RFX6: variants seen among roughly 807,000 people sequenced by gnomAD.
RFX6 encodes the protein DNA-binding protein RFX6.
RFX6 carries 50 observed loss-of-function variants against 110.8 expected under a neutral mutation model. The observed-to-expected ratio is 0.45, with a 90% CI of 0.36 to 0.57. RFX6 has a LOEUF of 0.57. Among genes scored for constraint, RFX6 ranks in the 20% least tolerant of loss-of-function variants. The pLI, the probability that RFX6 is intolerant of heterozygous loss-of-function variation, is 0.00. For synonymous variants in RFX6, 383 were observed against 411.2 expected (o/e 0.93, Z 0.83); for missense variants, 990 against 1,127.0 (o/e 0.88, Z 1.74).
intron 6 of RFX6, among the ~76,000 whole-genome samples, chr6:116,909,838 C>CA (rs1427668894): frequency 6.8e-6 from 1 of 147,120 alleles, no homozygotes; most frequent in Non-Finnish European, 1.5e-5. Context: ...GCTCTGCCTC[C>CA]AGCTTATTTA....
intron 4 of RFX6, among the ~76,000 whole-genome samples, chr6:116,893,031 T>C (rs1198533502): frequency 6.6e-6 from 1 of 152,048 alleles, no homozygotes; most frequent in Non-Finnish European, 1.5e-5. Flanking sequence ...GGAAACAACG[T>C]TTTAAAATAT....
At chr6:116,900,739 T>C (rs1454882315) in intron 6 of RFX6, among the ~76,000 whole-genome samples, 2 of 152,114 alleles carry the variant, frequency 1.3e-5, no homozygotes, top group Non-Finnish European at 2.9e-5. Context: ...ATATGTAACC[T>C]AAATGACTAA....
intron 10 of RFX6, among the ~76,000 whole-genome samples, chr6:116,918,540 C>T (rs1366200342): frequency 7.6e-6 from 1 of 132,064 alleles, no homozygotes; most frequent in African/African-American, 2.8e-5. Context: ...TTTATTGAAA[C>T]AATACCAGAA....
At position 116,924,712 on chromosome 6, in the gene RFX6, C is replaced by A; in HGVS notation, c.1599C>A (p.Leu533=). The A allele has an allele frequency of 6.2e-7, 1 of 1,606,498 alleles. No homozygotes were observed. The highest frequency in any genetic ancestry group is 1.1e-5 in the South Asian group (1 of 90,922). The change falls in exon 15 of 19, where the codon CTC becomes CTA. Residue 533 remains leucine (L), a synonymous_variant. Coordinates refer to ENST00000332958, the MANE Select transcript of RFX6 (RefSeq NM_173560.4). The part of the protein sequence containing the change: ...LIRMLLDEYI[L]LAMETQFNND... ...GAATGCTTCTCGATGAATACATTCT[C>A]CTGGCCATGGAGACCCAGTTTAATA...
At chr6:116,892,194 C>T (rs907189931) in intron 4 of RFX6, among the ~76,000 whole-genome samples, 10 of 152,300 alleles carry the variant, frequency 6.6e-5, no homozygotes, top group African/African-American at 2.2e-4. Flanking sequence ...TTTCCTTCAT[C>T]TCAAATGACC....
At chr6:116,925,854 C>A (rs1231986526) in intron 16 of RFX6, among the ~76,000 whole-genome samples, 195 bp downstream of exon 16, 1 of 152,038 alleles carries the variant, frequency 6.6e-6, no homozygotes, top group Non-Finnish European at 1.5e-5. Flanking sequence ...ACACAGGTAT[C>A]ATGTCTTGAC....
intron 10 of RFX6, 135 bp downstream of exon 10, chr6:116,918,221 G>A: frequency 1.4e-6 from 1 of 711,190 alleles, no homozygotes; most frequent in South Asian, 1.6e-5. Flanking sequence ...CTTTGTATTT[G>A]CTGGAAGAGA....
At position 116,931,563 on chromosome 6, in the gene RFX6, A is replaced by G. The variant is rs1259207055; in HGVS notation, c.*57A>G. ...TAAAAAAAATCTCTACTGTGCAAATATCATTATTCACTCAGACTTCCATAA... is the reference window on the plus strand; with the variant it reads ...TAAAAAAAATCTCTACTGTGCAAATGTCATTATTCACTCAGACTTCCATAA... On this transcript the variant is annotated 3_prime_UTR_variant, in exon 19 of 19. Transcript: ENST00000332958. 8.2e-7 allele frequency: 1 copy of G among 1,223,376 alleles called. No individual in the cohort carries two copies. The highest frequency in any genetic ancestry group is 1.2e-6 in the Non-Finnish European group (1 of 845,464). 75.8% of individuals were successfully genotyped at this position (1,223,376 alleles called of 1,614,324 possible).
At chr6:116,915,687 A>C (rs547315827) in intron 7 of RFX6, among the ~76,000 whole-genome samples, 2 of 152,018 alleles carry the variant, frequency 1.3e-5, no homozygotes, top group African/African-American at 4.8e-5. Context: ...AATTTTAAAA[A>C]ATTTAAATTT....
intron 7 of RFX6, among the ~76,000 whole-genome samples, 156 bp downstream of exon 7, chr6:116,911,198 T>A (rs1377928459): frequency 6.6e-6 from 1 of 152,170 alleles, no homozygotes; most frequent in Non-Finnish European, 1.5e-5. Context: ...TTGTTAACAT[T>A]GATTAACACT....
At chr6:116,927,691 C>A in intron 17 of RFX6, 152 bp downstream of exon 17, 6 of 636,006 alleles carry the variant, frequency 9.4e-6, no homozygotes, top group East Asian at 6.3e-5. Flanking sequence ...ATTTCTGTCA[C>A]ATACATATAT....
rs1775540989 is a variant in RFX6, at chr6:116,919,286, A to G, written c.1172A>G (p.His391Arg). The G allele has an allele frequency of 6.2e-7, 1 of 1,613,284 alleles. No homozygotes were observed. Among genetic ancestry groups the G allele is most frequent in the Admixed American group, 1.7e-5 (1 of 59,956 alleles). The stretch of plus-strand genomic sequence containing the variant: ...CTGAAACGACAAACATCTTTCTTAC[A>G]TCTTGCCCAGGTATGTTGGTTGCTA... ...SSLKRQTSFL[H>R]LAQIARPALF... is the part of the protein sequence containing the mutation. The change falls in exon 11 of 19, where the codon CAT becomes CGT. Residue 391 changes from histidine (H) to arginine (R), a missense_variant. Around this residue, in one of 5 missense-constraint regions of RFX6, gnomAD observed 243 missense variants for 353.1 expected, o/e 0.69. Transcript: ENST00000332958.
intron 4 of RFX6, among the ~76,000 whole-genome samples, chr6:116,892,795 G>T (rs1299872540): frequency 6.6e-6 from 1 of 152,178 alleles, no homozygotes; most frequent in Non-Finnish European, 1.5e-5. Flanking sequence ...TTTTCAAATA[G>T]CTATTCATAT....
chr6:116,908,724 TGA>T lies in RFX6; in HGVS notation c.673-2199_673-2198del, dbSNP rs1271256543. Among the ~76,000 whole-genome samples the T allele has an allele frequency of 3.5e-5, 5 of 142,514 alleles. No homozygotes were observed. In the East Asian group the frequency reaches 6.1e-4, roughly 17 times the overall value. 93.5% of individuals were successfully genotyped at this position (142,514 alleles called of 152,430 possible). Reference sequence around the variant, plus strand: ...CACACACACACACACACAGAGGGATTGAGAGAGAGAGAGGCTAATGAATGGTA... The same window carrying T: ...CACACACACACACACACAGAGGGATTGAGAGAGAGAGGCTAATGAATGGTA... On this transcript the variant is annotated intron_variant, in intron 6 of 18. Coordinates refer to ENST00000332958, the MANE Select transcript of RFX6 (RefSeq NM_173560.4).
chr6:116,918,059 C>G lies in RFX6; in HGVS notation c.995C>G (p.Pro332Arg). The change falls in exon 10 of 19, where the codon CCT becomes CGT. Residue 332 changes from proline (P) to arginine (R), a missense_variant. This residue lies in a region of RFX6 where 243 missense variants were observed against 353.1 expected (regional missense o/e 0.69). Transcript: ENST00000332958. Reference sequence around the variant, plus strand: ...AAGGTTCTTACAGATGTACTCATTCCTGCAACAATGCAAGAAATGCCTGAA... The same window carrying G: ...AAGGTTCTTACAGATGTACTCATTCGTGCAACAATGCAAGAAATGCCTGAA... ...LYKVLTDVLI[P>R]ATMQEMPESL... is the part of the protein sequence containing the mutation. 1 of 1,608,606 alleles carries G rather than the reference C, an allele frequency of 6.2e-7. No individual in the cohort carries two copies. The highest frequency in any genetic ancestry group is 8.5e-7 in the Non-Finnish European group (1 of 1,176,108).
chr6:116,921,630 C>A (rs563542404), intron 12 of RFX6, among the ~76,000 whole-genome samples: 16 of 151,672 alleles, frequency 1.1e-4, no homozygotes, highest in Non-Finnish European at 2.4e-4. Context: ...CCAGCCTGGG[C>A]AACACAGCAA....
Position 116,878,089 on chromosome 6 carries a change from C to T in RFX6, c.380+137C>T, listed in dbSNP as rs1156297401. ...TTTAAAAAACCAATTAGAATTTAAC[C>T]CAGAATTTTTTTCACTGAATTTTTA... On this transcript the variant is annotated intron_variant, in intron 2 of 18. Coordinates refer to ENST00000332958, the MANE Select transcript of RFX6 (RefSeq NM_173560.4). The T allele has an allele frequency of 3.3e-6, 3 of 907,880 alleles. No individual in the cohort carries two copies. The East Asian group carries it at 7.9e-5, about 24-fold the overall frequency. 56.2% of individuals were successfully genotyped at this position (907,880 alleles called of 1,614,324 possible).
intron 4 of RFX6, among the ~76,000 whole-genome samples, chr6:116,885,449 A>G (rs1774681484): frequency 6.6e-6 from 1 of 152,228 alleles, no homozygotes; most frequent in Non-Finnish European, 1.5e-5. Context: ...GCATGCACTC[A>G]TCTCTAATCC....
Position 116,923,228 on chromosome 6 carries a change from A to G in RFX6, c.1555+4A>G, listed in dbSNP as rs1775640622. ...TTGAACAATGCATCCAGTTTTGGTA[A>G]CATACGTGCATTATAAAACTGTTCT... On this transcript the variant is annotated splice_donor_region_variant and intron_variant, in intron 14 of 18. Transcript: ENST00000332958. The G allele has an allele frequency of 1.6e-6, 2 of 1,257,012 alleles. No individual in the cohort carries two copies. Among genetic ancestry groups the G allele is most frequent in the African/African-American group, 1.5e-5 (1 of 67,592 alleles). The allele number at this position is 1,257,012 out of a possible 1,614,324, so 77.9% of individuals were successfully genotyped here.
Sources: gnomAD v4.1 joint callset for allele counts (sites outside exome capture counted in the v4.1 genomes callset) on GRCh38, gnomAD v4.1.1 for gene constraint, gnomAD v4.1.1 regional missense constraint, MANE v1.5 for transcripts, NCBI Gene and HGNC (gene_info 2026-07-23, HGNC 2026-07-21) for gene names.